Variants in KDM4B observed in about 807,000 individuals in gnomAD.
The protein encoded by KDM4B is lysine-specific demethylase 4B.
In KDM4B, 32 loss-of-function variants were observed where a neutral mutation model predicts 125.2. The observed-to-expected ratio is 0.26, with a 90% CI of 0.19 to 0.34. KDM4B has a LOEUF of 0.34. Among genes scored for constraint, KDM4B ranks in the 10% least tolerant of loss-of-function variants. The pLI, the probability that KDM4B is intolerant of heterozygous loss-of-function variation, is 1.00. For missense variants in KDM4B, 1,190 were observed against 1,577.7 expected (o/e 0.75, Z 4.16); for synonymous variants, 721 against 677.9 (o/e 1.06, Z -0.99).
chr19:4,996,797 A>G (rs2035215503), intron 1 of KDM4B, among the ~76,000 whole-genome samples: 1 of 151,544 alleles, frequency 6.6e-6, no homozygotes. Context: ...TTTTTTCTTG[A>G]CTTAAAAACA....
chr19:5,079,544 G>A (rs1361140689), intron 8 of KDM4B, among the ~76,000 whole-genome samples: 2 of 152,068 alleles, frequency 1.3e-5, no homozygotes, highest in South Asian at 2.1e-4. Context: ...TTGGCATTCC[G>A]GGGGCCCAGC....
intron 11 of KDM4B, among the ~76,000 whole-genome samples, chr19:5,128,853 C>CG (rs1196449989): frequency 5.5e-4 from 1 of 1,824 alleles, no homozygotes; most frequent in African/African-American, 1.3e-3. Context: ...ACAGTGGAGG[C>CG]GGGGGGCGGG....
chr19:5,121,571 C>T (rs1391464919), intron 11 of KDM4B, among the ~76,000 whole-genome samples: 1 of 152,078 alleles, frequency 6.6e-6, no homozygotes, highest in Non-Finnish European at 1.5e-5. Flanking sequence ...AAACATGGCT[C>T]CCAAAGATGC....
chr19:5,072,445 C>T (rs2037978372), intron 7 of KDM4B, among the ~76,000 whole-genome samples: 2 of 152,122 alleles, frequency 1.3e-5, no homozygotes, highest in Admixed American at 6.6e-5. Context: ...CTATTGGAAA[C>T]CTGGACCCCT....
intron 1 of KDM4B, among the ~76,000 whole-genome samples, chr19:5,000,224 T>TCCACCCACCTATCCATCCAC (rs2035339967): frequency 2.0e-5 from 1 of 49,172 alleles, no homozygotes; most frequent in Non-Finnish European, 3.7e-5. Context: ...CACCCACCCA[T>TCCACCCACCTATCCATCCAC]CCACCCACCT....
At chr19:4,978,428 A>C (rs972624483) in intron 1 of KDM4B, among the ~76,000 whole-genome samples, 7 of 141,802 alleles carry the variant, frequency 4.9e-5, no homozygotes, top group African/African-American at 1.8e-4. Flanking sequence ...AATCGCTTGA[A>C]CCTGGGAGGT....
Position 5,115,576 on chromosome 19 carries a change from G to T in KDM4B, c.1116-4077G>T, listed in dbSNP as rs1366760023. Among the ~76,000 whole-genome samples, 1 of 152,228 alleles carries T rather than the reference G, an allele frequency of 6.6e-6. No homozygotes were observed. Among genetic ancestry groups the T allele is most frequent in the Non-Finnish European group, 1.5e-5 (1 of 68,046 alleles). On this transcript the variant is annotated intron_variant, in intron 10 of 22. Transcript: ENST00000159111. This position sits in a 1 kb window ranked among gnomAD's most constrained non-coding sequence, Gnocchi z 4.2. ...ACACGGCTTGGCACCGTGCACAGAG[G>T]GATCAACGGCCAGGGGACCCGACAC...
intron 1 of KDM4B, among the ~76,000 whole-genome samples, chr19:4,969,691 T>A (rs2034180535): frequency 6.6e-6 from 1 of 151,432 alleles, no homozygotes; most frequent in South Asian, 2.1e-4. Context: ...AACCCCCGCC[T>A]GCGTTTCTGG....
chr19:5,135,529 C>T lies in KDM4B; in HGVS notation c.2276C>T (p.Ala759Val), dbSNP rs1397820479. The change falls in exon 15 of 23, where the codon GCC becomes GTC. Residue 759 changes from alanine to valine, a missense_variant. Physicochemically the swap from Ala to Val is moderately conservative, Grantham distance 64. This residue lies in a region of KDM4B where 298 missense variants were observed against 439.7 expected (regional missense o/e 0.68). Coordinates refer to ENST00000159111, the MANE Select transcript of KDM4B (RefSeq NM_015015.3). ...GACGACGGGACCAGCCCCCTGATCG[C>T]CTGCGGCAAGTGCTGCCTGCAGGTC... is the stretch of plus-strand genomic sequence containing the variant. ...IGDDGTSPLI[A>V]CGKCCLQVHA... The T allele has an allele frequency of 1.2e-6, 2 of 1,607,192 alleles. No individual in the cohort carries two copies. Among genetic ancestry groups the T allele is most frequent in the Admixed American group, 1.7e-5 (1 of 59,458 alleles).
chr19:4,985,861 C>G (rs866972105), intron 1 of KDM4B, among the ~76,000 whole-genome samples: 6 of 152,186 alleles, frequency 3.9e-5, no homozygotes, highest in African/African-American at 1.2e-4. Flanking sequence ...CTGTCTGTCT[C>G]TGGCCAAGGC....
chr19:4,994,020 GTTTTTTT>G (rs55641886), intron 1 of KDM4B, among the ~76,000 whole-genome samples: 5 of 66,678 alleles, frequency 7.5e-5, no homozygotes, highest in African/African-American at 1.3e-4. Flanking sequence ...TTTTCAGCCT[GTTTTTTT>G]TTTTTTTTTT....
At chr19:5,092,172 G>A (rs1204796118) in intron 9 of KDM4B, among the ~76,000 whole-genome samples, 1 of 150,410 alleles carries the variant, frequency 6.6e-6, no homozygotes, top group East Asian at 1.9e-4. Context: ...GGAGTGGTCT[G>A]GAAAGAAGGC....
At chr19:5,031,982 T>C (rs1217245298) in intron 2 of KDM4B, among the ~76,000 whole-genome samples, 1 of 152,234 alleles carries the variant, frequency 6.6e-6, no homozygotes, top group Non-Finnish European at 1.5e-5. Flanking sequence ...TGGGTCCTTG[T>C]TTCCGAATCC....
intron 6 of KDM4B, among the ~76,000 whole-genome samples, chr19:5,057,061 T>C (rs1168094474): frequency 3.6e-4 from 48 of 132,952 alleles, no homozygotes; most frequent in East Asian, 8.2e-4. Flanking sequence ...TGTGTGTGTG[T>C]GTGTGCGCGC....
rs1405578192 is a variant in KDM4B at position 5,142,187 on chromosome 19, C to T, written c.2551-1780C>T. Reference sequence around the variant, plus strand: ...AGGAAGGACACCGAGCCGGGAACTTCGAACCAAACACCAGTGCCTGGGCCC... The same window carrying T: ...AGGAAGGACACCGAGCCGGGAACTTTGAACCAAACACCAGTGCCTGGGCCC... On this transcript the variant is annotated intron_variant, in intron 18 of 22. Transcript: ENST00000159111. This position sits in a 1 kb window ranked among gnomAD's most constrained non-coding sequence, Gnocchi z 5.4. Among the ~76,000 whole-genome samples, 4 of 152,114 alleles carry T rather than the reference C, an allele frequency of 2.6e-5. No homozygotes were observed. Among genetic ancestry groups the T allele is most frequent in the Non-Finnish European group, 4.4e-5 (3 of 67,986 alleles).
intron 6 of KDM4B, among the ~76,000 whole-genome samples, chr19:5,057,029 CGTGTGTGTGTGTGTGTGTGT>C (rs74170763): frequency 6.9e-6 from 1 of 144,102 alleles, no homozygotes; most frequent in Non-Finnish European, 1.5e-5. Flanking sequence ...GATATATATG[CGTGTGTGTGTGTGTGTGTGT>C]GTGTGTGTGT....
chr19:5,137,526 C>T (rs1298331698), intron 16 of KDM4B, 95 bp from the exon 17 acceptor site: 2 of 1,336,656 alleles, frequency 1.5e-6, no homozygotes, highest in African/African-American at 1.4e-5. Context: ...AATATAAGGG[C>T]CGTGGGCTGG....
intron 3 of KDM4B, among the ~76,000 whole-genome samples, chr19:5,036,426 G>A (rs1193576124): frequency 3.3e-5 from 5 of 152,334 alleles, no homozygotes; most frequent in African/African-American, 7.2e-5. Context: ...CCCTCCACAC[G>A]GGGTGTCCCC....
intron 10 of KDM4B, chr19:5,111,302 G>A (rs2039139850): frequency 1.4e-6 from 1 of 718,942 alleles, no homozygotes; most frequent in Non-Finnish European, 2.6e-6. Context: ...GGGCTGCTTG[G>A]ATTTGAGATC....
Sources: gnomAD v4.1 joint callset for allele counts (sites outside exome capture counted in the v4.1 genomes callset) on GRCh38, gnomAD v4.1.1 for gene constraint, gnomAD v4.1.1 regional missense constraint, Gnocchi (gnomAD v3.1) non-coding constraint, MANE v1.5 for transcripts, NCBI Gene and HGNC (gene_info 2026-07-23, HGNC 2026-07-21) for gene names.